Variants in TPD52 observed in about 807,000 individuals in gnomAD.
The protein encoded by TPD52 is tumor protein D52.
Under a neutral mutation model 31.3 loss-of-function variants are expected in TPD52, and 17 were observed. That is an observed-to-expected ratio of 0.54 (90% CI 0.37 to 0.82). The LOEUF is 0.82. TPD52 is among the 40% of genes least tolerant of loss of function. TPD52 has a pLI of 0.00. For synonymous variants in TPD52, 83 were observed against 89.6 expected (o/e 0.93, Z 0.42); for missense variants, 212 against 240.1 (o/e 0.88, Z 0.77).
At chr8:80,121,359 C>T (rs1433683386) in intron 1 of TPD52, among the ~76,000 whole-genome samples, 1 of 152,158 alleles carries the variant, frequency 6.6e-6, no homozygotes. Context: ...CAAGACCCTT[C>T]TCCGTGCAGG....
chr8:80,143,423 A>G (rs1586386349), intron 1 of TPD52, among the ~76,000 whole-genome samples: 1 of 152,314 alleles, frequency 6.6e-6, no homozygotes, highest in South Asian at 2.1e-4. Flanking sequence ...TATAACCCCA[A>G]TTAAAAGTTT....
chr8:80,035,689 A>G lies in TPD52; in HGVS notation c.*2427T>C, dbSNP rs1385177924. On this transcript the variant is annotated 3_prime_UTR_variant, in exon 8 of 8. Coordinates refer to ENST00000518937, the MANE Select transcript of TPD52 (RefSeq NM_001025253.3). ...CACTGACTACTTGGCTCTCATAAGC[A>G]TAAGAATTCTTGCCCTATTTCCCAC... The G allele has an allele frequency of 1.3e-5, 2 of 152,230 alleles. No homozygotes were observed. The highest frequency in any genetic ancestry group is 2.9e-5 in the Non-Finnish European group (2 of 68,036). 9.4% of individuals were successfully genotyped at this position (152,230 alleles called of 1,614,324 possible). A position where few individuals can be genotyped will look rare whatever the true frequency, so the allele number is the denominator to read the frequency against.
At chr8:80,119,872 A>T in intron 1 of TPD52, 1 of 407,124 alleles carries the variant, frequency 2.5e-6, no homozygotes, top group African/African-American at 2.1e-5. Flanking sequence ...GAAATTCCAG[A>T]TGAAATAAAA....
intron 2 of TPD52, among the ~76,000 whole-genome samples, chr8:80,057,162 T>C (rs1811983935): frequency 6.6e-6 from 1 of 152,032 alleles, no homozygotes; most frequent in Admixed American, 6.6e-5. Context: ...AGCAAGACTC[T>C]TCTCAAAAAA....
intron 1 of TPD52, among the ~76,000 whole-genome samples, chr8:80,145,121 G>T (rs1773604105): frequency 6.6e-6 from 1 of 152,154 alleles, no homozygotes; most frequent in African/African-American, 2.4e-5. Context: ...TGCAAATTTT[G>T]TTGCCACTTA....
chr8:80,154,245 G>C (rs1383297640), intron 1 of TPD52, among the ~76,000 whole-genome samples: 2 of 152,242 alleles, frequency 1.3e-5, no homozygotes, highest in African/African-American at 4.8e-5. Context: ...GAGAAGCAAC[G>C]GGCCCTGTTG....
chr8:80,146,989 T>C (rs1413722415), intron 1 of TPD52, among the ~76,000 whole-genome samples: 2 of 152,198 alleles, frequency 1.3e-5, no homozygotes, highest in Non-Finnish European at 2.9e-5. Context: ...ACCGCAGACC[T>C]ACTGAACCAG....
rs2130995653 is a variant in TPD52, at chr8:80,114,479, T to A, written c.20-49886A>T. Among the ~76,000 whole-genome samples the A allele has an allele frequency of 1.3e-5, 2 of 152,288 alleles. 1 individual carries two copies. Among genetic ancestry groups the A allele is most frequent in the African/African-American group, 4.8e-5 (2 of 41,570 alleles). ...TTATACCCCAAAATGCCTAGAACAG[T>A]GCCTGACACACATAAATATTTGTTG... is the stretch of plus-strand genomic sequence containing the variant. On this transcript the variant is annotated intron_variant, in intron 1 of 7. Transcript: ENST00000518937.
At chr8:80,102,648 A>G (rs182030634) in intron 1 of TPD52, among the ~76,000 whole-genome samples, 1 of 152,322 alleles carries the variant, frequency 6.6e-6, no homozygotes. Flanking sequence ...GTTTCCTGAC[A>G]TAGAGCTCCT....
intron 1 of TPD52, among the ~76,000 whole-genome samples, chr8:80,105,784 T>G (rs1180502909): frequency 6.9e-6 from 1 of 144,184 alleles, no homozygotes; most frequent in Non-Finnish European, 1.5e-5. Flanking sequence ...CAGGCTGGAG[T>G]GCAGCGGTGC....
chr8:80,112,601 T>C (rs1807573527), intron 1 of TPD52, among the ~76,000 whole-genome samples: 1 of 152,182 alleles, frequency 6.6e-6, no homozygotes, highest in South Asian at 2.1e-4. Context: ...ATGTAGAGTT[T>C]ATTGGGCTAG....
intron 1 of TPD52, among the ~76,000 whole-genome samples, chr8:80,140,950 C>CGTGTGTGTGTGTGTGTGTGT (rs142097159): frequency 1.8e-3 from 260 of 143,766 alleles, no homozygotes; most frequent in African/African-American, 4.2e-3. Context: ...CAATACAACT[C>CGTGTGTGTGTGTGTGTGTGT]GTGTGTGTGT....
chr8:80,148,628 G>A (rs150422737), intron 1 of TPD52, among the ~76,000 whole-genome samples: 2 of 152,116 alleles, frequency 1.3e-5, no homozygotes, highest in East Asian at 3.9e-4. Context: ...TTTGCTCTCT[G>A]TAACAAGCAC....
intron 1 of TPD52, among the ~76,000 whole-genome samples, chr8:80,137,189 GTGTT>G (rs1236620197): frequency 4.6e-5 from 7 of 152,332 alleles, no homozygotes; most frequent in African/African-American, 1.7e-4. Context: ...AAATAGATAA[GTGTT>G]TGCCTGCGGG....
intron 1 of TPD52, among the ~76,000 whole-genome samples, chr8:80,148,944 C>T (rs531438815): frequency 1.3e-5 from 2 of 152,202 alleles, no homozygotes; most frequent in Non-Finnish European, 2.9e-5. Context: ...CTATTTTTTT[C>T]CTCCTTTAAC....
intron 1 of TPD52, among the ~76,000 whole-genome samples, chr8:80,143,193 G>C (rs1460571958): frequency 1.6e-5 from 2 of 125,850 alleles, no homozygotes; most frequent in Non-Finnish European, 3.3e-5. Flanking sequence ...GATCAATCTA[G>C]GAGTTTGTAT....
intron 1 of TPD52, among the ~76,000 whole-genome samples, chr8:80,086,204 G>A (rs866921006): frequency 2.3e-5 from 3 of 130,724 alleles, no homozygotes; most frequent in Non-Finnish European, 4.7e-5. Flanking sequence ...CACAACCTCC[G>A]CCTCCCCGGT....
At chr8:80,056,063 A>C (rs1811842135) in intron 2 of TPD52, among the ~76,000 whole-genome samples, 1 of 152,222 alleles carries the variant, frequency 6.6e-6, no homozygotes, top group Non-Finnish European at 1.5e-5. Flanking sequence ...AAAGGAAATC[A>C]GTGTATCAAA....
At chr8:80,161,237 G>A (rs1437419764) in intron 1 of TPD52, among the ~76,000 whole-genome samples, 1 of 152,120 alleles carries the variant, frequency 6.6e-6, no homozygotes, top group African/African-American at 2.4e-5. Flanking sequence ...TTACATACCT[G>A]CCTTAGGAGC....
Sources: gnomAD v4.1 joint callset for allele counts (sites outside exome capture counted in the v4.1 genomes callset) on GRCh38, gnomAD v4.1.1 for gene constraint, MANE v1.5 for transcripts, NCBI Gene and HGNC (gene_info 2026-07-23, HGNC 2026-07-21) for gene names.